Variants in NCAM1 observed in about 807,000 individuals in gnomAD.
NCAM1 encodes the protein neural cell adhesion molecule 1.
A neutral mutation model predicts 109.8 loss-of-function variants in NCAM1; 14 were observed. The observed-to-expected ratio is 0.13, with a 90% CI of 0.08 to 0.20. The LOEUF (loss-of-function observed/expected upper bound fraction) is 0.20, where lower values mean the gene tolerates loss of function less well. Among genes scored for constraint, NCAM1 ranks in the 10% least tolerant of loss-of-function variants. The pLI is 1.00. For missense variants in NCAM1, 774 were observed against 1,109.9 expected (o/e 0.70, Z 4.30); for synonymous variants, 418 against 442.9 (o/e 0.94, Z 0.70).
intron 1 of NCAM1, chr11:113,130,732 T>C (rs1941353365): frequency 6.6e-6 from 1 of 152,220 alleles, no homozygotes; most frequent in South Asian, 2.1e-4. Context: ...CCCCTAGTAG[T>C]ACACATTGCA....
chr11:113,181,648 C>T (rs1470860019), intron 1 of NCAM1, among the ~76,000 whole-genome samples: 4 of 152,036 alleles, frequency 2.6e-5, no homozygotes, highest in Non-Finnish European at 4.4e-5. Context: ...CAAACCTGCA[C>T]GTCCTGCACG....
At chr11:113,034,917 T>A (rs2135377881) in intron 1 of NCAM1, among the ~76,000 whole-genome samples, 1 of 152,324 alleles carries the variant, frequency 6.6e-6, no homozygotes, top group Middle Eastern at 3.4e-3. Context: ...AATATTCTGT[T>A]ATTATCATAA....
chr11:113,059,629 C>T (rs1953846283), intron 1 of NCAM1, among the ~76,000 whole-genome samples: 1 of 152,148 alleles, frequency 6.6e-6, no homozygotes, highest in Non-Finnish European at 1.5e-5. Context: ...TTCCAAGAGT[C>T]AGGAAGAAGC....
chr11:113,000,600 G>A (rs1319698203), intron 1 of NCAM1, among the ~76,000 whole-genome samples: 1 of 151,772 alleles, frequency 6.6e-6, no homozygotes, highest in Admixed American at 6.6e-5. Flanking sequence ...ATGACTACGT[G>A]AATTAAAATA....
intron 19 of NCAM1, among the ~76,000 whole-genome samples, chr11:113,272,549 T>G (rs1555125682): frequency 6.6e-6 from 1 of 152,068 alleles, no homozygotes; most frequent in Non-Finnish European, 1.5e-5. Context: ...CTGGGAAGCC[T>G]AGAGCAGGTG....
chr11:113,174,035 G>A (rs781783029), intron 1 of NCAM1, among the ~76,000 whole-genome samples: 4 of 152,106 alleles, frequency 2.6e-5, no homozygotes, highest in African/African-American at 4.8e-5. Flanking sequence ...TAAATGCTGT[G>A]TGTCCAGTGC....
chr11:113,242,825 C>T (rs1945372792), intron 14 of NCAM1: 1 of 1,613,982 alleles, frequency 6.2e-7, no homozygotes, highest in Non-Finnish European at 8.5e-7. Flanking sequence ...TCTTCCTGCC[C>T]TTGCAACCAC....
At chr11:113,175,950 G>T (rs1239587284) in intron 1 of NCAM1, among the ~76,000 whole-genome samples, 1 of 152,148 alleles carries the variant, frequency 6.6e-6, no homozygotes, top group African/African-American at 2.4e-5. Flanking sequence ...ACCCTGATTT[G>T]ATTATGTGAA....
chr11:113,160,352 C>A (rs1942560835), intron 1 of NCAM1, among the ~76,000 whole-genome samples: 1 of 152,212 alleles, frequency 6.6e-6, no homozygotes. Context: ...AGGTTACCAA[C>A]TGCCCCAGTT....
At chr11:113,184,560 G>A (rs1555108532) in intron 1 of NCAM1, among the ~76,000 whole-genome samples, 1 of 152,182 alleles carries the variant, frequency 6.6e-6, no homozygotes, top group African/African-American at 2.4e-5. Flanking sequence ...GGAAGGCAGT[G>A]TCTGATGCCT....
In NCAM1 at chr11:112,969,201, G is replaced by A. The variant is rs2134512225; in HGVS notation, c.52+7537G>A. Among the ~76,000 whole-genome samples, 2 of 152,202 alleles carry A rather than the reference G, an allele frequency of 1.3e-5. 1 individual carries two copies. The highest frequency in any genetic ancestry group is 6.8e-3 in the Middle Eastern group (2 of 294). ...GAGCAGTGGTTGAGATCTGAATCTG[G>A]TTGTACATGGGGAACAGTGTGAGAG... On this transcript the variant is annotated intron_variant, in intron 1 of 19. Coordinates refer to ENST00000316851, the MANE Select transcript of NCAM1 (RefSeq NM_181351.5).
chr11:113,175,191 T>G (rs1415060232), intron 1 of NCAM1, among the ~76,000 whole-genome samples: 1 of 152,204 alleles, frequency 6.6e-6, no homozygotes, highest in Non-Finnish European at 1.5e-5. Context: ...TTGACTGAGG[T>G]CTCTAATGCA....
Position 112,970,989 on chromosome 11 carries a change from A to G in NCAM1, c.52+9325A>G, listed in dbSNP as rs146565153. ...AATCATGGTACTGTAAATATGATGGAGAAATTAAGAGACAGGTTAGGTTTT... is the reference window on the plus strand; with the variant it reads ...AATCATGGTACTGTAAATATGATGGGGAAATTAAGAGACAGGTTAGGTTTT... On this transcript the variant is annotated intron_variant, in intron 1 of 19. Coordinates refer to ENST00000316851, the MANE Select transcript of NCAM1 (RefSeq NM_181351.5). Among the ~76,000 whole-genome samples the G allele has an allele frequency of 2.8e-3, 426 of 152,270 alleles. 6 individuals carry two copies. The highest frequency in any genetic ancestry group is 9.9e-3 in the African/African-American group (411 of 41,570).
At chr11:113,253,085 G>T (rs1239149504) in intron 15 of NCAM1, among the ~76,000 whole-genome samples, 1 of 151,918 alleles carries the variant, frequency 6.6e-6, no homozygotes, top group African/African-American at 2.4e-5. Context: ...TCTAACTATG[G>T]TATAGATTTT....
intron 1 of NCAM1, among the ~76,000 whole-genome samples, chr11:113,151,528 C>T (rs1942224116): frequency 6.6e-6 from 1 of 152,200 alleles, no homozygotes; most frequent in Non-Finnish European, 1.5e-5. Flanking sequence ...ACTTTTAAGG[C>T]AGGTTTGCCA....
intron 1 of NCAM1, among the ~76,000 whole-genome samples, chr11:113,006,022 T>C (rs776691419): frequency 3.2e-4 from 49 of 152,194 alleles, no homozygotes; most frequent in Non-Finnish European, 6.0e-4. Flanking sequence ...CTTTGAGCAC[T>C]CTTCTTATTT....
At chr11:113,054,492 T>C (rs781976859) in intron 1 of NCAM1, among the ~76,000 whole-genome samples, 12 of 152,224 alleles carry the variant, frequency 7.9e-5, no homozygotes, top group African/African-American at 2.4e-5. Context: ...TTGAATTTCA[T>C]TGGGTAGTCC....
chr11:113,185,068 T>TTATATTTATATATATATATATATA (rs1555108652), intron 1 of NCAM1, among the ~76,000 whole-genome samples: 8 of 99,658 alleles, frequency 8.0e-5, no homozygotes, highest in African/African-American at 2.9e-4. Context: ...GCATTTATAT[T>TTATATTTATATATATATATATATA]TATATATATA....
chr11:113,094,406 A>G (rs1939498769), intron 1 of NCAM1, among the ~76,000 whole-genome samples: 1 of 152,156 alleles, frequency 6.6e-6, no homozygotes, highest in Non-Finnish European at 1.5e-5. Flanking sequence ...GTACACCTTC[A>G]CATAGCTGGC....
Sources: allele counts gnomAD v4.1 joint callset (sites outside exome capture counted in the v4.1 genomes callset), GRCh38; gene constraint gnomAD v4.1.1; transcripts MANE v1.5; gene names NCBI Gene and HGNC (gene_info 2026-07-23, HGNC 2026-07-21).